The following SAXO1 variants were observed in gnomAD, a reference collection of about 807,000 sequenced individuals.
SAXO1 encodes the protein 4930500O09Rik.
A neutral mutation model predicts 17.5 loss-of-function variants in SAXO1; 21 were observed. The ratio of observed to expected loss-of-function variants is 1.20; its 90% CI spans 0.85 to 1.72. The LOEUF is 1.72. Among genes scored for constraint, SAXO1 ranks in the 40% most tolerant of loss-of-function variants. The pLI is 0.00. For missense variants in SAXO1, 843 were observed against 596.0 expected (o/e 1.41, Z -4.32); for synonymous variants, 274 against 216.5 (o/e 1.27, Z -2.33).
chr9:19,032,397 T>C (rs150493535), intron 1 of SAXO1, among the ~76,000 whole-genome samples: 2 of 152,376 alleles, frequency 1.3e-5, no homozygotes, highest in African/African-American at 4.8e-5. Context: ...TTCATTATCC[T>C]TATTCAACTC....
At chr9:19,008,644 C>T (rs1300112067) in intron 1 of SAXO1, among the ~76,000 whole-genome samples, 1 of 152,186 alleles carries the variant, frequency 6.6e-6, no homozygotes, top group Non-Finnish European at 1.5e-5. Flanking sequence ...CCCCAAATAA[C>T]TGTGCCAGCT....
chr9:18,964,110 A>G (rs1035952359), intron 1 of SAXO1, among the ~76,000 whole-genome samples: 4 of 152,196 alleles, frequency 2.6e-5, no homozygotes, highest in African/African-American at 9.6e-5. Flanking sequence ...CTCGCATCCT[A>G]GGAATGAAGC....
chr9:18,998,350 G>C (rs1834097968), intron 1 of SAXO1, among the ~76,000 whole-genome samples: 1 of 152,002 alleles, frequency 6.6e-6, no homozygotes, highest in Non-Finnish European at 1.5e-5. Context: ...TGATCAAGCA[G>C]AAGAAAGAAT....
At chr9:19,012,001 A>G (rs7048408) in intron 1 of SAXO1, among the ~76,000 whole-genome samples, 84,139 of 151,412 alleles carry the variant, frequency 0.56, 23,853 homozygotes, top group Non-Finnish European at 0.63. Context: ...GCAGGTCACC[A>G]TGCCCGGCCA....
intron 1 of SAXO1, among the ~76,000 whole-genome samples, chr9:19,041,126 C>G (rs554747682): frequency 1.5e-5 from 2 of 133,864 alleles, no homozygotes; most frequent in Non-Finnish European, 3.1e-5. Flanking sequence ...ATACGAAAAT[C>G]AGGAGCACTT....
chr9:19,004,566 TG>T (rs1263883846), intron 1 of SAXO1, among the ~76,000 whole-genome samples: 1 of 152,210 alleles, frequency 6.6e-6, no homozygotes, highest in African/African-American at 2.4e-5. Context: ...GTCTTTTTCA[TG>T]GACATGGATG....
chr9:19,012,129 C>G (rs889742215), intron 1 of SAXO1, among the ~76,000 whole-genome samples: 11 of 151,998 alleles, frequency 7.2e-5, no homozygotes, highest in Admixed American at 2.6e-4. Context: ...CAGGCGTGAG[C>G]CACCACGCCC....
rs535089374 is a variant in SAXO1 at position 19,002,865 on chromosome 9, T to C, written c.38+30006A>G. On this transcript the variant is annotated intron_variant, in intron 1 of 3. Transcript: ENST00000380534. ...AGGATGCCTTCTCTCACCACTCCTA[T>C]TCAGCATAGTATTGGAAGTTCTGCT... 2.0e-5 allele frequency among the ~76,000 whole-genome samples: 3 copies of C among 152,328 alleles called. No homozygotes were observed. The East Asian group carries it at 5.8e-4, about 29-fold the overall frequency.
intron 1 of SAXO1, among the ~76,000 whole-genome samples, chr9:18,957,010 G>T (rs10963869): frequency 6.6e-6 from 1 of 151,964 alleles, no homozygotes; most frequent in African/African-American, 2.4e-5. Context: ...AATCACAGCC[G>T]TACACAACAT....
chr9:18,983,410 C>G (rs772530128), intron 1 of SAXO1, among the ~76,000 whole-genome samples: 5 of 152,132 alleles, frequency 3.3e-5, no homozygotes, highest in African/African-American at 4.8e-5. Context: ...AGATCCCTCC[C>G]TCAACATGTA....
intron 1 of SAXO1, chr9:19,027,554 A>C: frequency 1.7e-6 from 2 of 1,204,178 alleles, no homozygotes; most frequent in Non-Finnish European, 2.5e-6. Flanking sequence ...CTGGGCCTGT[A>C]GGGCACAGAC....
intron 1 of SAXO1, among the ~76,000 whole-genome samples, chr9:18,977,993 C>CAAAAAA (rs371914686): frequency 7.4e-4 from 73 of 98,652 alleles, no homozygotes; most frequent in African/African-American, 2.5e-3. Flanking sequence ...GAGACCCTGC[C>CAAAAAA]AAAAAAAAAA....
At chr9:18,956,098 AC>A (rs1164056807) in intron 1 of SAXO1, among the ~76,000 whole-genome samples, 1 of 144,328 alleles carries the variant, frequency 6.9e-6, no homozygotes, top group East Asian at 2.0e-4. Context: ...GCACCACTGC[AC>A]AACCTGGCTA....
At chr9:18,987,196 G>A (rs1013589313) in intron 1 of SAXO1, among the ~76,000 whole-genome samples, 4 of 152,174 alleles carry the variant, frequency 2.6e-5, no homozygotes, top group Non-Finnish European at 4.4e-5. Flanking sequence ...CATTGCTATA[G>A]AAGCCAATTA....
intron 1 of SAXO1, among the ~76,000 whole-genome samples, chr9:18,997,204 G>A (rs919631065): frequency 3.9e-5 from 6 of 152,346 alleles, no homozygotes; most frequent in Admixed American, 1.3e-4. Flanking sequence ...GGGAAGCCAT[G>A]AGTGACTATA....
intron 1 of SAXO1, among the ~76,000 whole-genome samples, chr9:18,999,410 C>T (rs532860081): frequency 1.3e-4 from 20 of 151,796 alleles, no homozygotes; most frequent in African/African-American, 3.1e-4. Context: ...TCCGCCCAGC[C>T]GCCCCACCAT....
chr9:19,032,263 C>T (rs1835803773), intron 1 of SAXO1, among the ~76,000 whole-genome samples: 2 of 152,152 alleles, frequency 1.3e-5, no homozygotes, highest in Admixed American at 6.5e-5. Flanking sequence ...CCAGTCAGCC[C>T]GTGGGACTCT....
At chr9:18,972,234 C>G (rs1832970695) in intron 1 of SAXO1, among the ~76,000 whole-genome samples, 1 of 152,166 alleles carries the variant, frequency 6.6e-6, no homozygotes, top group African/African-American at 2.4e-5. Flanking sequence ...GAAGATAGCC[C>G]TTCTTTACAA....
intron 1 of SAXO1, among the ~76,000 whole-genome samples, chr9:19,044,658 C>T (rs906855838): frequency 6.6e-6 from 1 of 151,590 alleles, no homozygotes; most frequent in East Asian, 2.0e-4. Context: ...GTCAGAAGAT[C>T]GAGACCATCC....
Sources: allele counts gnomAD v4.1 joint callset (sites outside exome capture counted in the v4.1 genomes callset), GRCh38; gene constraint gnomAD v4.1.1; transcripts MANE v1.5; gene names NCBI Gene and HGNC (gene_info 2026-07-23, HGNC 2026-07-21).